Variants in EPHA5 observed in about 807,000 individuals in gnomAD.
The protein encoded by EPHA5 is ephrin type-A receptor 5.
In EPHA5, 60 loss-of-function variants were observed where a neutral mutation model predicts 105.0. The ratio of observed to expected loss-of-function variants is 0.57; its 90% CI spans 0.46 to 0.71. The LOEUF is 0.71. EPHA5 is among the 30% of genes least tolerant of loss of function. The probability of loss-of-function intolerance (pLI) is 0.00; values close to 1 mark genes in which losing one functional copy is unlikely to be tolerated. For missense variants in EPHA5, 1,218 were observed against 1,274.7 expected (o/e 0.96, Z 0.68); for synonymous variants, 513 against 449.1 (o/e 1.14, Z -1.80).
At chr4:65,616,274 G>A in intron 2 of EPHA5, among the ~76,000 whole-genome samples, 1 of 151,926 alleles carries the variant, frequency 6.6e-6, no homozygotes, top group East Asian at 1.9e-4. Context: ...CCAAAAGTTA[G>A]ATCTGCGGAT....
At chr4:65,624,738 C>A (rs1222376354) in intron 2 of EPHA5, among the ~76,000 whole-genome samples, 1 of 152,138 alleles carries the variant, frequency 6.6e-6, no homozygotes. Flanking sequence ...ATAATGAAAG[C>A]AAAGGAGTCT....
At chr4:65,376,389 A>C (rs545418069) in intron 8 of EPHA5, among the ~76,000 whole-genome samples, 1 of 152,182 alleles carries the variant, frequency 6.6e-6, no homozygotes, top group East Asian at 1.9e-4. Flanking sequence ...TTGTATTTAT[A>C]AATAATTAAG....
chr4:65,348,146 T>A lies in EPHA5; in HGVS notation c.2503A>T (p.Thr835Ser). Residue 835 changes from threonine (T) to serine (S), a missense_variant, in exon 14 of 17, where the codon ACT becomes TCT. By Grantham distance (58) the Thr-to-Ser change is moderately conservative. Coordinates refer to ENST00000613740, the MANE Select transcript of EPHA5 (RefSeq NM_001281766.3). ...APEAIAFRKF[T>S]SASDVWSYGI... ...TAACTCCAGACATCACTGGCAGAAG[T>A]AAACTTTCGGAAAGCTATTGCTTCT... 1 of 1,613,784 alleles carries A rather than the reference T, an allele frequency of 6.2e-7. No individual in the cohort carries two copies. Among genetic ancestry groups the A allele is most frequent in the Non-Finnish European group, 8.5e-7 (1 of 1,179,852 alleles).
intron 5 of EPHA5, among the ~76,000 whole-genome samples, chr4:65,487,508 C>T (rs1331666328): frequency 6.6e-6 from 1 of 152,140 alleles, no homozygotes; most frequent in Non-Finnish European, 1.5e-5. Context: ...GCTCCCATGG[C>T]TAACATTATT....
chr4:65,518,335 G>T (rs1205083988), intron 3 of EPHA5, among the ~76,000 whole-genome samples: 3 of 151,428 alleles, frequency 2.0e-5, no homozygotes, highest in Admixed American at 6.6e-5. Flanking sequence ...GTGTAAATTA[G>T]AGCCCCCAAA....
Position 65,504,381 on chromosome 4 carries a change from T to G in EPHA5, c.911-8838A>C, listed in dbSNP as rs960014056. ...ATATTGAAAAATATATATATATATA[T>G]AGATAGAACAAATTCACCAAATAAT... is the stretch of plus-strand genomic sequence containing the variant. On this transcript the variant is annotated intron_variant, in intron 3 of 16. Transcript: ENST00000613740. 3.3e-5 allele frequency among the ~76,000 whole-genome samples: 5 copies of G among 150,068 alleles called. No homozygotes were observed. The East Asian group carries it at 7.8e-4, about 23-fold the overall frequency.
intron 15 of EPHA5, among the ~76,000 whole-genome samples, chr4:65,332,595 G>A (rs373327197): frequency 3.0e-4 from 45 of 149,728 alleles, no homozygotes; most frequent in African/African-American, 1.0e-3. Flanking sequence ...TCATTCTGGC[G>A]GTTGATGCTG....
intron 3 of EPHA5, among the ~76,000 whole-genome samples, chr4:65,578,982 T>A (rs1286466183): frequency 1.3e-5 from 2 of 152,068 alleles, no homozygotes; most frequent in African/African-American, 4.8e-5. Flanking sequence ...TAAACTTCAG[T>A]TAGACTTTGA....
chr4:65,331,508 GC>G lies in EPHA5; in HGVS notation c.2945+464del, dbSNP rs1403935375. The stretch of plus-strand genomic sequence containing the variant: ...CCATTTAGAAATTAAATGAGATCCT[GC>G]CAGGGAAGCTTTGTTTAAGCTACTG... On this transcript the variant is annotated intron_variant, in intron 16 of 16. Coordinates refer to ENST00000613740, the MANE Select transcript of EPHA5 (RefSeq NM_001281766.3). 2.8e-6 allele frequency: 3 copies of G among 1,052,930 alleles called. No individual in the cohort carries two copies. In the African/African-American group the frequency reaches 5.0e-5, roughly 17 times the overall value. 65.2% of individuals were successfully genotyped at this position (1,052,930 alleles called of 1,614,324 possible).
intron 2 of EPHA5, among the ~76,000 whole-genome samples, chr4:65,629,459 G>A (rs553585041): frequency 6.6e-6 from 1 of 152,272 alleles, no homozygotes; most frequent in African/African-American, 2.4e-5. Context: ...ATCAATAGGT[G>A]CAATAAAGTC....
chr4:65,486,244 A>C (rs1730867490), intron 5 of EPHA5, among the ~76,000 whole-genome samples: 1 of 151,936 alleles, frequency 6.6e-6, no homozygotes, highest in Admixed American at 6.6e-5. Flanking sequence ...GTTCTTTGAG[A>C]TCATTCATTT....
chr4:65,496,966 T>C (rs1403346862), intron 3 of EPHA5, among the ~76,000 whole-genome samples: 2 of 152,182 alleles, frequency 1.3e-5, no homozygotes, highest in Non-Finnish European at 2.9e-5. Context: ...GTAAATCTTT[T>C]TATTCTGTGG....
chr4:65,618,211 C>T (rs1277408832), intron 2 of EPHA5, among the ~76,000 whole-genome samples: 3 of 151,986 alleles, frequency 2.0e-5, no homozygotes, highest in African/African-American at 7.3e-5. Flanking sequence ...TTCACTTGGT[C>T]CAAATGAATA....
intron 3 of EPHA5, among the ~76,000 whole-genome samples, chr4:65,526,855 T>TA (rs1204543446): frequency 9.9e-5 from 15 of 152,052 alleles, no homozygotes; most frequent in Non-Finnish European, 5.9e-5. Flanking sequence ...TCTGCTTTTT[T>TA]ATTTTCAATA....
intron 5 of EPHA5, among the ~76,000 whole-genome samples, chr4:65,460,604 G>A (rs1578166213): frequency 1.3e-5 from 2 of 151,352 alleles, no homozygotes; most frequent in African/African-American, 2.4e-5. Context: ...ATAATATATA[G>A]GCATTTAAAA....
intron 3 of EPHA5, among the ~76,000 whole-genome samples, chr4:65,575,238 G>A (rs1183477361): frequency 1.3e-5 from 2 of 152,088 alleles, no homozygotes; most frequent in Admixed American, 1.3e-4. Context: ...ACATTTTATA[G>A]CATTTCTACT....
At chr4:65,588,924 C>T (rs910614260) in intron 3 of EPHA5, among the ~76,000 whole-genome samples, 1 of 152,036 alleles carries the variant, frequency 6.6e-6, no homozygotes, top group Non-Finnish European at 1.5e-5. Context: ...AACAAAAGAC[C>T]CCAGCACTTT....
chr4:65,566,675 G>A (rs1739567024), intron 3 of EPHA5, among the ~76,000 whole-genome samples: 1 of 151,728 alleles, frequency 6.6e-6, no homozygotes, highest in Non-Finnish European at 1.5e-5. Context: ...AGAAACATCT[G>A]CTGGTTAGCA....
chr4:65,643,834 C>A (rs534872857), intron 1 of EPHA5, among the ~76,000 whole-genome samples: 26 of 152,028 alleles, frequency 1.7e-4, no homozygotes, highest in Non-Finnish European at 1.8e-4. Flanking sequence ...ATTTTATTTT[C>A]TTCTGGAAAG....
Sources: allele counts gnomAD v4.1 joint callset (sites outside exome capture counted in the v4.1 genomes callset), GRCh38; gene constraint gnomAD v4.1.1; transcripts MANE v1.5; gene names NCBI Gene and HGNC (gene_info 2026-07-23, HGNC 2026-07-21).